SEPTIN8: variants seen among roughly 807,000 people sequenced by gnomAD.
SEPTIN8 encodes septin-8.
SEPTIN8 carries 22 observed loss-of-function variants against 53.1 expected under a neutral mutation model. The ratio of observed to expected loss-of-function variants is 0.41; its 90% CI spans 0.30 to 0.59. The LOEUF (loss-of-function observed/expected upper bound fraction) is 0.59, where lower values mean the gene tolerates loss of function less well. SEPTIN8 is among the 20% of genes least tolerant of loss of function. The pLI is 0.24. For synonymous variants in SEPTIN8, 228 were observed against 248.4 expected, an observed-to-expected ratio of 0.92 and a Z score of 0.77; for missense variants, 536 against 638.7, an observed-to-expected ratio of 0.84 and a Z score of 1.73.
chr5:132,757,136 A>C (rs1755416000), intron 9 of SEPTIN8: 2 of 980,624 alleles, frequency 2.0e-6, no homozygotes, highest in Non-Finnish European at 2.4e-6. Context: ...CTTAATCTTC[A>C]GGGCCCCTTC....
intron 9 of SEPTIN8, chr5:132,758,430 C>T: frequency 6.4e-7 from 1 of 1,573,184 alleles, no homozygotes; most frequent in Non-Finnish European, 8.6e-7. Context: ...CCTAGGGCAC[C>T]ACGTGAGTTG....
chr5:132,753,082 G>A (rs1279990783), intron 9 of SEPTIN8: 21 of 854,834 alleles, frequency 2.5e-5, no homozygotes, highest in South Asian at 6.3e-5. Flanking sequence ...AGGTGGCTCT[G>A]GAAGAGCAAC....
At chr5:132,756,192 C>T in intron 9 of SEPTIN8, 2 of 985,376 alleles carry the variant, frequency 2.0e-6, no homozygotes, top group South Asian at 4.7e-5. Context: ...TAACAGGGAG[C>T]CCACATTTAC....
chr5:132,773,526 T>C lies in SEPTIN8; in HGVS notation c.30+3582A>G, dbSNP rs1757514011. ...TATCCACCCTCTCTGTCATCTCTGGTATTGGAATTTGGATCTTGTTCCCCC... is the reference window on the plus strand; with the variant it reads ...TATCCACCCTCTCTGTCATCTCTGGCATTGGAATTTGGATCTTGTTCCCCC... On this transcript the variant is annotated intron_variant, in intron 1 of 9. Coordinates refer to ENST00000378719, the MANE Select transcript of SEPTIN8 (RefSeq NM_001098811.2). The surrounding 1 kb of genome is among the most constrained non-coding windows in gnomAD (Gnocchi z 4.2). Among the ~76,000 whole-genome samples, 1 of 152,190 alleles carries C rather than the reference T, an allele frequency of 6.6e-6. No homozygotes were observed. The highest frequency in any genetic ancestry group is 1.5e-5 in the Non-Finnish European group (1 of 68,036).
intron 1 of SEPTIN8, among the ~76,000 whole-genome samples, chr5:132,772,076 C>G (rs1030803587): frequency 1.3e-5 from 2 of 152,102 alleles, no homozygotes; most frequent in African/African-American, 2.4e-5. Context: ...TAACAGGAAG[C>G]CAATCATCCT....
rs1757887224 is a variant in SEPTIN8, at chr5:132,777,173, G to T, written c.-36C>A. The T allele has an allele frequency of 4.3e-6, 5 of 1,165,846 alleles. No homozygotes were observed. Among genetic ancestry groups the T allele is most frequent in the African/African-American group, 1.6e-5 (1 of 61,740 alleles). The allele number at this position is 1,165,846 out of a possible 1,614,324, so 72.2% of individuals were successfully genotyped here. A position where few individuals can be genotyped will look rare whatever the true frequency, so the allele number is the denominator to read the frequency against. On this transcript the variant is annotated 5_prime_UTR_variant, in exon 1 of 10. Coordinates refer to ENST00000378719, the MANE Select transcript of SEPTIN8 (RefSeq NM_001098811.2). The surrounding 1 kb of genome is among the most constrained non-coding windows in gnomAD (Gnocchi z 4.1). ...GCACCGGGCGGGTGGGCTGGGACGA[G>T]CGCAGGGGCAGCGACAGGGACCAGC...
chr5:132,754,505 G>A (rs749207189), intron 9 of SEPTIN8: 4 of 717,504 alleles, frequency 5.6e-6, no homozygotes, highest in South Asian at 4.4e-5. Flanking sequence ...TCTGAGAGCT[G>A]ATCCAACTCA....
chr5:132,768,368 G>C (rs1302088869), intron 1 of SEPTIN8, among the ~76,000 whole-genome samples: 3 of 152,220 alleles, frequency 2.0e-5, no homozygotes, highest in Non-Finnish European at 4.4e-5. Context: ...GATGGAGGCA[G>C]TGTTGTTACC....
At chr5:132,766,316 C>T (rs1296971678) in intron 1 of SEPTIN8, among the ~76,000 whole-genome samples, 1 of 152,208 alleles carries the variant, frequency 6.6e-6, no homozygotes, top group Non-Finnish European at 1.5e-5. Context: ...GTTGTCTAGA[C>T]AGAAGGTTCC....
chr5:132,758,439 T>C, intron 9 of SEPTIN8: 2 of 1,584,332 alleles, frequency 1.3e-6, no homozygotes, highest in Non-Finnish European at 1.7e-6. Context: ...CCACGTGAGT[T>C]GCCATCTCCA....
Position 132,776,913 on chromosome 5 carries a change from A to C in SEPTIN8, c.30+195T>G, listed in dbSNP as rs949117830. ...AAGCGACCCCGACCAGCCGCCCGGCAAGGCAGGCCGCCCGACGCTCCGGGA... is the reference window on the plus strand; with the variant it reads ...AAGCGACCCCGACCAGCCGCCCGGCCAGGCAGGCCGCCCGACGCTCCGGGA... On this transcript the variant is annotated intron_variant, in intron 1 of 9. Transcript: ENST00000378719. The surrounding 1 kb of genome is among the most constrained non-coding windows in gnomAD (Gnocchi z 4.4). 6.6e-6 allele frequency among the ~76,000 whole-genome samples: 1 copy of C among 151,912 alleles called. No individual in the cohort carries two copies. The highest frequency in any genetic ancestry group is 6.5e-5 in the Admixed American group (1 of 15,274).
At chr5:132,767,427 C>T (rs1453200358) in intron 1 of SEPTIN8, among the ~76,000 whole-genome samples, 1 of 152,164 alleles carries the variant, frequency 6.6e-6, no homozygotes, top group African/African-American at 2.4e-5. Context: ...CCACTCTCAC[C>T]TGGCCCCCAA....
intron 1 of SEPTIN8, among the ~76,000 whole-genome samples, chr5:132,767,094 C>T (rs1274740953): frequency 6.6e-6 from 1 of 152,150 alleles, no homozygotes; most frequent in Non-Finnish European, 1.5e-5. Flanking sequence ...CTCAACGGAG[C>T]CTCTTTTCTT....
In SEPTIN8 at chr5:132,760,532, A is replaced by G; in HGVS notation, c.1286+270T>C. ...GGAAGAGAAGGAGAGAAAAAGGGAG[A>G]AGGGAGAGGGAGGGGGAGCACAAGA... On this transcript the variant is annotated intron_variant, in intron 9 of 9. Transcript: ENST00000378719. This position sits in a 1 kb window ranked among gnomAD's most constrained non-coding sequence, Gnocchi z 5.2. Among the ~76,000 whole-genome samples, 1 of 152,138 alleles carries G rather than the reference A, an allele frequency of 6.6e-6. No individual in the cohort carries two copies. The highest frequency in any genetic ancestry group is 1.9e-4 in the East Asian group (1 of 5,150).
chr5:132,751,144 CG>C lies in SEPTIN8; in HGVS notation c.*871del. 1.3e-5 allele frequency: 10 copies of C among 783,232 alleles called. 1 individual carries two copies. In the South Asian group the frequency reaches 1.6e-4, roughly 13 times the overall value. The allele number at this position is 783,232 out of a possible 1,614,324, so 48.5% of individuals were successfully genotyped here. A position where few individuals can be genotyped will look rare whatever the true frequency, so the allele number is the denominator to read the frequency against. ...GGTGACGCACAAGGCTCATGACATA[CG>C]GAAGAGTGAAAAGGTATCTTAAATC... On this transcript the variant is annotated 3_prime_UTR_variant, in exon 10 of 10. Coordinates refer to ENST00000378719, the MANE Select transcript of SEPTIN8 (RefSeq NM_001098811.2).
intron 1 of SEPTIN8, among the ~76,000 whole-genome samples, chr5:132,770,006 TATATATATATATATATACACAC>T (rs1757045278): frequency 4.4e-5 from 3 of 67,714 alleles, no homozygotes; most frequent in Non-Finnish European, 9.6e-5. Context: ...TATATATATA[TATATATATATATATATACACAC>T]ACATATATAT....
chr5:132,754,209 CGA>C, intron 9 of SEPTIN8: 1 of 545,500 alleles, frequency 1.8e-6, no homozygotes. Flanking sequence ...TTTAGCCTTG[CGA>C]GAGTCAGATA....
chr5:132,752,871 T>G, intron 9 of SEPTIN8: 1 of 1,613,716 alleles, frequency 6.2e-7, no homozygotes, highest in Non-Finnish European at 8.5e-7. Context: ...TACAGGTTGG[T>G]GATATGCAGT....
At chr5:132,777,784 G>A, upstream of SEPTIN8, 1 of 985,434 alleles carries the variant, frequency 1.0e-6, no homozygotes, top group Non-Finnish European at 1.2e-6. This position sits in a 1 kb window ranked among gnomAD's most constrained non-coding sequence, Gnocchi z 4.1. Context: ...AGCTAAGGCG[G>A]GAACCCCGGC....
Sources: allele counts gnomAD v4.1 joint callset (sites outside exome capture counted in the v4.1 genomes callset), GRCh38; gene constraint gnomAD v4.1.1; non-coding constraint Gnocchi (gnomAD v3.1); transcripts MANE v1.5; gene names NCBI Gene and HGNC (gene_info 2026-07-23, HGNC 2026-07-21).